TOMM34: variants seen among roughly 807,000 people sequenced by gnomAD.
The protein encoded by TOMM34 is mitochondrial import receptor subunit TOM34.
TOMM34 carries 24 observed loss-of-function variants against 37.4 expected under a neutral mutation model. That is an observed-to-expected ratio of 0.64 (90% CI 0.46 to 0.90). The LOEUF (loss-of-function observed/expected upper bound fraction) is 0.90, where lower values mean the gene tolerates loss of function less well. Ranked by LOEUF, TOMM34 falls within the 40% of genes least tolerant of loss-of-function variation. The pLI, the probability that TOMM34 is intolerant of heterozygous loss-of-function variation, is 0.00. For missense variants in TOMM34, 304 were observed against 375.6 expected, an observed-to-expected ratio of 0.81 and a Z score of 1.58; for synonymous variants, 154 against 148.9, an observed-to-expected ratio of 1.03 and a Z score of -0.25.
intron 4 of TOMM34, 29 bp from the exon 5 acceptor site, chr20:44,948,906 A>AT (rs1568660401): frequency 6.2e-7 from 1 of 1,610,454 alleles, no homozygotes; most frequent in Non-Finnish European, 8.5e-7. Context: ...GAGGAAAAAA[A>AT]CCATGGAGCA....
At chr20:44,943,867 T>C (rs1005217661) in intron 5 of TOMM34, among the ~76,000 whole-genome samples, 1 of 152,134 alleles carries the variant, frequency 6.6e-6, no homozygotes, top group Non-Finnish European at 1.5e-5. Context: ...TCTCATCTAG[T>C]TCTATCATGC....
At chr20:44,957,795 C>T (rs1488682676) in intron 1 of TOMM34, among the ~76,000 whole-genome samples, 1 of 151,872 alleles carries the variant, frequency 6.6e-6, no homozygotes, top group Admixed American at 6.6e-5. Context: ...GGTGTGTACC[C>T]CCAAGCCCAG....
At chr20:44,954,934 C>T (rs2067057637) in intron 3 of TOMM34, 134 bp downstream of exon 3, 10 of 1,130,292 alleles carry the variant, frequency 8.8e-6, no homozygotes, top group Non-Finnish European at 1.2e-5. Context: ...CTCAGCTTCC[C>T]CTACATGCCC....
intron 2 of TOMM34, among the ~76,000 whole-genome samples, 153 bp from the exon 3 acceptor site, chr20:44,955,373 G>A (rs1445390215): frequency 6.6e-6 from 1 of 152,210 alleles, no homozygotes; most frequent in African/African-American, 2.4e-5. Flanking sequence ...CCTCAGAACA[G>A]GGATTTTTCA....
intron 4 of TOMM34, among the ~76,000 whole-genome samples, 184 bp from the exon 5 acceptor site, chr20:44,949,061 A>C (rs759595814): frequency 6.6e-6 from 1 of 152,206 alleles, no homozygotes; most frequent in Admixed American, 6.5e-5. Context: ...TGGGCAATTC[A>C]ACAGTTTTTC....
chr20:44,948,952 C>T (rs2234207), intron 4 of TOMM34, 75 bp from the exon 5 acceptor site: 104 of 1,539,790 alleles, frequency 6.8e-5, no homozygotes, highest in African/African-American at 1.5e-4. Context: ...TCTTCAGCAT[C>T]GTCCCTTCCA....
intron 3 of TOMM34, 141 bp downstream of exon 3, chr20:44,954,927 A>G: frequency 9.5e-7 from 1 of 1,054,948 alleles, no homozygotes; most frequent in African/African-American, 1.6e-5. Context: ...TTCCTTTCTC[A>G]GCTTCCCCTA....
chr20:44,953,409 C>T (rs1237503575), intron 3 of TOMM34, among the ~76,000 whole-genome samples: 1 of 152,198 alleles, frequency 6.6e-6, no homozygotes, highest in Admixed American at 6.5e-5. Flanking sequence ...CTTGGGACAT[C>T]AATGCCCTGT....
At position 44,949,512 on chromosome 20, in the gene TOMM34, G is replaced by A. The variant is rs116080489; in HGVS notation, c.551-635C>T. Among the ~76,000 whole-genome samples the A allele has an allele frequency of 4.2e-3, 647 of 152,242 alleles. 3 individuals are homozygous for A. Among genetic ancestry groups the A allele is most frequent in the African/African-American group, 0.015 (626 of 41,536 alleles). ...CAGCCTTCAAGGAGAGGAAGCAGAG[G>A]GAACATGGTGAAATCCAAGCTGCTC... is the stretch of plus-strand genomic sequence containing the variant. On this transcript the variant is annotated intron_variant, in intron 4 of 6. Coordinates refer to ENST00000372813, the MANE Select transcript of TOMM34 (RefSeq NM_006809.5).
In TOMM34 at chr20:44,952,063, T is replaced by G. The variant is rs2067031529; in HGVS notation, c.381-61A>C. 5.8e-6 allele frequency: 9 copies of G among 1,553,780 alleles called. No homozygotes were observed. In the Admixed American group the frequency reaches 1.6e-4, roughly 27 times the overall value. On this transcript the variant is annotated intron_variant, in intron 3 of 6. Coordinates refer to ENST00000372813, the MANE Select transcript of TOMM34 (RefSeq NM_006809.5). ...GCTGGGTCAAGAAGATATTTCTCCT[T>G]TCACACACCCATGGGAGGTAGGCCT...
rs572126898 is a variant in TOMM34 at position 44,955,574 on chromosome 20, T to C, written c.228-354A>G. 1,092 of 465,564 alleles carry C rather than the reference T, an allele frequency of 2.3e-3. 14 individuals carry two copies. Among genetic ancestry groups the C allele is most frequent in the Middle Eastern group, 8.1e-3 (25 of 3,102 alleles). The allele number at this position is 465,564 out of a possible 1,614,324, so 28.8% of individuals were successfully genotyped here. A position where few individuals can be genotyped will look rare whatever the true frequency, so the allele number is the denominator to read the frequency against. On this transcript the variant is annotated intron_variant, in intron 2 of 6. Transcript: ENST00000372813. ...ATAACAAACAAGCTTTGGAGTCAGA[T>C]GGGGTGGTGTCTGAATTCCACCTCT...
intron 5 of TOMM34, among the ~76,000 whole-genome samples, chr20:44,947,321 G>A (rs911468350): frequency 3.9e-5 from 6 of 152,082 alleles, no homozygotes; most frequent in Admixed American, 3.9e-4. Flanking sequence ...CAACTCATTG[G>A]GCAGCAAAAC....
chr20:44,954,592 G>T (rs945195816), intron 3 of TOMM34, among the ~76,000 whole-genome samples: 1 of 152,206 alleles, frequency 6.6e-6, no homozygotes, highest in Admixed American at 6.5e-5. Context: ...TCAGAGACCA[G>T]AAAGGAATTG....
At chr20:44,952,630 A>G in intron 3 of TOMM34, 1 of 717,458 alleles carries the variant, frequency 1.4e-6, no homozygotes, top group Admixed American at 2.0e-5. Flanking sequence ...GCTAACTCCA[A>G]CTTATTCTTT....
At chr20:44,949,882 C>A (rs149420966) in intron 4 of TOMM34, among the ~76,000 whole-genome samples, 1 of 152,180 alleles carries the variant, frequency 6.6e-6, no homozygotes, top group Non-Finnish European at 1.5e-5. Context: ...GAACTTCATA[C>A]AGAAGAATAA....
intron 3 of TOMM34, chr20:44,952,567 T>C (rs1475933122): frequency 1.4e-6 from 1 of 717,202 alleles, no homozygotes; most frequent in Admixed American, 2.0e-5. Flanking sequence ...CTTTTTCCTC[T>C]ACCCAGAACA....
rs746942379 is a variant in TOMM34 at position 44,956,405 on chromosome 20, A to G, written c.208T>C (p.Cys70Arg). The G allele has an allele frequency of 6.2e-7, 1 of 1,614,174 alleles. No individual in the cohort carries two copies. The highest frequency in any genetic ancestry group is 8.5e-7 in the Non-Finnish European group (1 of 1,180,012). ...CHLKDGNCRD[C>R]IKDCTSALAL... The stretch of plus-strand genomic sequence containing the variant: ...ACTTACGAAGTGCAATCTTTGATGC[A>G]GTCTCTGCAGTTTCCATCCTTCAAG... Residue 70 changes from cysteine (C) to arginine (R), a missense_variant, in exon 2 of 7, where the codon TGC becomes CGC. Transcript: ENST00000372813.
At position 44,960,362 on chromosome 20, in the gene TOMM34, T is replaced by A; in HGVS notation, c.-29A>T. The A allele has an allele frequency of 6.5e-7, 1 of 1,532,980 alleles. No homozygotes were observed. The highest frequency in any genetic ancestry group is 1.7e-4 in the Middle Eastern group (1 of 5,842). 95.0% of individuals were successfully genotyped at this position (1,532,980 alleles called of 1,614,324 possible). A position where few individuals can be genotyped will look rare whatever the true frequency, so the allele number is the denominator to read the frequency against. ...GTGGCCAGGCCGGCGAGTTGGGAGC[T>A]CCTTCCTTCCTCCCCCGTGTGGTGC... On this transcript the variant is annotated 5_prime_UTR_variant, in exon 1 of 7. Coordinates refer to ENST00000372813, the MANE Select transcript of TOMM34 (RefSeq NM_006809.5).
At chr20:44,951,695 G>A (rs1166212140) in intron 4 of TOMM34, 138 bp downstream of exon 4, 7 of 1,057,020 alleles carry the variant, frequency 6.6e-6, no homozygotes, top group Non-Finnish European at 8.0e-6. Flanking sequence ...AAGAGGTGAA[G>A]ACTTGTATTT....
Sources: gnomAD v4.1 joint callset for allele counts (sites outside exome capture counted in the v4.1 genomes callset) on GRCh38, gnomAD v4.1.1 for gene constraint, MANE v1.5 for transcripts, NCBI Gene and HGNC (gene_info 2026-07-23, HGNC 2026-07-21) for gene names.